Variants in PCSK5 observed in about 807,000 individuals in gnomAD.
PCSK5 encodes prohormone convertase 5.
A neutral mutation model predicts 233.2 loss-of-function variants in PCSK5; 129 were observed. That is an observed-to-expected ratio of 0.55 (90% confidence interval 0.48 to 0.64). PCSK5 has a LOEUF of 0.64. PCSK5 is among the 30% of genes least tolerant of loss of function. PCSK5 has a pLI of 0.00. For synonymous variants in PCSK5, 825 were observed against 879.2 expected (o/e 0.94, Z 1.09); for missense variants, 2,076 against 2,430.1 (o/e 0.85, Z 3.06).
At chr9:76,053,068 T>C (rs1159240407) in intron 5 of PCSK5, among the ~76,000 whole-genome samples, 1 of 152,196 alleles carries the variant, frequency 6.6e-6, no homozygotes, top group Non-Finnish European at 1.5e-5. Flanking sequence ...CTTTGCAGGG[T>C]ACAGCGCCCC....
chr9:75,914,517 T>A (rs557895128), intron 1 of PCSK5, among the ~76,000 whole-genome samples: 10 of 152,080 alleles, frequency 6.6e-5, no homozygotes, highest in African/African-American at 2.4e-4. Context: ...CCAATGACCA[T>A]TGGGTTTTAG....
chr9:76,266,130 A>C (rs1387988851), intron 24 of PCSK5, among the ~76,000 whole-genome samples: 1 of 152,214 alleles, frequency 6.6e-6, no homozygotes, highest in Admixed American at 6.5e-5. Context: ...AAAAGTAAGC[A>C]CTGGTTAAAG....
intron 3 of PCSK5, among the ~76,000 whole-genome samples, chr9:76,015,735 C>CA (rs930862728): frequency 6.6e-6 from 1 of 152,194 alleles, no homozygotes; most frequent in African/African-American, 2.4e-5. Context: ...AGCCAACTCT[C>CA]AGAGAAGTGG....
chr9:75,994,438 T>TGAGATGGAG, intron 3 of PCSK5, among the ~76,000 whole-genome samples: 2 of 102,504 alleles, frequency 2.0e-5, no homozygotes, highest in South Asian at 3.9e-4. Context: ...TTTTTTTTTT[T>TGAGATGGAG]TTTTGAGATG....
intron 1 of PCSK5, among the ~76,000 whole-genome samples, chr9:75,906,381 A>G (rs1353904929): frequency 6.6e-6 from 1 of 152,104 alleles, no homozygotes; most frequent in Non-Finnish European, 1.5e-5. Context: ...GTCTGTCACC[A>G]TGCCCGGCTA....
At chr9:76,029,044 C>A (rs1033630768) in intron 5 of PCSK5, among the ~76,000 whole-genome samples, 8 of 152,104 alleles carry the variant, frequency 5.3e-5, no homozygotes, top group Admixed American at 5.2e-4. Flanking sequence ...AAAAGGCTGT[C>A]GATCACTCTG....
intron 25 of PCSK5, among the ~76,000 whole-genome samples, chr9:76,292,667 A>G (rs1828314677): frequency 6.6e-6 from 1 of 152,220 alleles, no homozygotes; most frequent in Non-Finnish European, 1.5e-5. Flanking sequence ...CAGGTGCTAT[A>G]TCAGCTCTTA....
At chr9:75,989,467 C>G (rs1826670063) in intron 3 of PCSK5, among the ~76,000 whole-genome samples, 1 of 150,750 alleles carries the variant, frequency 6.6e-6, no homozygotes, top group Admixed American at 6.7e-5. Context: ...GCACTCCAGC[C>G]TGGGTGACAG....
At chr9:76,295,195 C>T (rs1828399131) in intron 25 of PCSK5, 80 bp from the exon 26 acceptor site, 1 of 1,244,976 alleles carries the variant, frequency 8.0e-7, no homozygotes, top group East Asian at 2.5e-5. Context: ...TCTGCATAGA[C>T]ATACATAAGG....
At chr9:76,201,052 C>A (rs1824895361) in intron 20 of PCSK5, among the ~76,000 whole-genome samples, 1 of 152,186 alleles carries the variant, frequency 6.6e-6, no homozygotes, top group South Asian at 2.1e-4. Context: ...AACGAAAGAA[C>A]AGGGTGCAAG....
At chr9:76,294,079 TC>T (rs1313721070) in intron 25 of PCSK5, among the ~76,000 whole-genome samples, 4 of 151,912 alleles carry the variant, frequency 2.6e-5, no homozygotes, top group African/African-American at 9.7e-5. Context: ...CATCTGTAGT[TC>T]CAGCTACTCA....
chr9:75,993,016 T>G (rs1375256834), intron 3 of PCSK5, among the ~76,000 whole-genome samples: 1 of 152,174 alleles, frequency 6.6e-6, no homozygotes, highest in Non-Finnish European at 1.5e-5. Context: ...TGTTCAGTAC[T>G]CCAAGAGTTT....
At chr9:75,991,944 A>C (rs1195032133) in intron 3 of PCSK5, among the ~76,000 whole-genome samples, 1 of 152,158 alleles carries the variant, frequency 6.6e-6, no homozygotes, top group Non-Finnish European at 1.5e-5. Flanking sequence ...ATAAAAAAAA[A>C]AATTAGTTAG....
At chr9:76,224,985 T>C (rs1195505059) in intron 20 of PCSK5, among the ~76,000 whole-genome samples, 2 of 152,196 alleles carry the variant, frequency 1.3e-5, no homozygotes, top group East Asian at 3.8e-4. Flanking sequence ...TAGTTTAAAA[T>C]CCTATCCTAG....
At chr9:75,983,192 A>G (rs1252165605) in intron 2 of PCSK5, among the ~76,000 whole-genome samples, 1 of 152,174 alleles carries the variant, frequency 6.6e-6, no homozygotes, top group African/African-American at 2.4e-5. Context: ...TAAAGGGCTG[A>G]TTCCCTATCA....
intron 9 of PCSK5, among the ~76,000 whole-genome samples, chr9:76,128,933 G>T (rs1033613314): frequency 1.3e-5 from 2 of 152,148 alleles, no homozygotes; most frequent in African/African-American, 4.8e-5. Context: ...CAAAACAAAT[G>T]CACCCCCAGT....
chr9:75,956,016 A>G (rs1825079538), intron 2 of PCSK5, among the ~76,000 whole-genome samples: 1 of 152,226 alleles, frequency 6.6e-6, no homozygotes, highest in Non-Finnish European at 1.5e-5. Context: ...AGCATATTTA[A>G]TAAACAGCTA....
chr9:76,226,487 G>A (rs1387504263), intron 20 of PCSK5, among the ~76,000 whole-genome samples: 1 of 152,146 alleles, frequency 6.6e-6, no homozygotes, highest in African/African-American at 2.4e-5. Context: ...AAGACAACGT[G>A]ATTAAACCCT....
chr9:75,977,903 G>A (rs1426518483), intron 2 of PCSK5, among the ~76,000 whole-genome samples: 3 of 151,698 alleles, frequency 2.0e-5, no homozygotes, highest in Non-Finnish European at 4.4e-5. Flanking sequence ...GAGCCACCGC[G>A]CCCGGCCAAG....
Sources: gnomAD v4.1 joint callset for allele counts (sites outside exome capture counted in the v4.1 genomes callset) on GRCh38, gnomAD v4.1.1 for gene constraint, MANE v1.5 for transcripts, NCBI Gene and HGNC (gene_info 2026-07-23, HGNC 2026-07-21) for gene names.